Variants in NEXMIF observed in about 807,000 individuals in gnomAD.
The protein encoded by NEXMIF is neurite extension and migration factor, also known as XLMR protein related to neurite extension.
Under a neutral mutation model 62.1 loss-of-function variants are expected in NEXMIF, and 8 were observed. That is an observed-to-expected ratio of 0.13 (90% CI 0.08 to 0.23). The LOEUF is 0.23. Ranked by LOEUF, NEXMIF falls within the 10% of genes least tolerant of loss-of-function variation. NEXMIF has a pLI of 1.00. For missense variants in NEXMIF, 976 were observed against 1,113.3 expected (o/e 0.88, Z 1.75); for synonymous variants, 404 against 416.6 (o/e 0.97, Z 0.37).
intron 1 of NEXMIF, among the ~76,000 whole-genome samples, chrX:74,788,151 G>A (rs1026198510): frequency 8.9e-6 from 1 of 111,753 alleles, no homozygotes; most frequent in Non-Finnish European, 1.9e-5. Flanking sequence ...AGTATTTTCT[G>A]TAACTGCTAC....
At position 74,742,256 on chromosome X, in the gene NEXMIF, T is replaced by C; in HGVS notation, c.2301A>G (p.Thr767=). 2 of 1,211,810 alleles carry C rather than the reference T, an allele frequency of 1.7e-6. No individual in the cohort carries two copies. The highest frequency in any genetic ancestry group is 1.8e-5 in the South Asian group (1 of 57,002). Residue 767 remains threonine, a synonymous_variant, in exon 3 of 4, where the codon ACA becomes ACG. Coordinates refer to ENST00000055682, the MANE Select transcript of NEXMIF (RefSeq NM_001008537.3). ...ANLKNEVIPG[T]SNSSRLSEFH... is the part of the protein sequence containing the mutation. ...ATTCAGATAGACGGGAACTGTTTGA[T>C]GTCCCAGGAATAACTTCATTCTTTA...
Position 74,742,168 on chromosome X carries a change from G to T in NEXMIF, c.2389C>A (p.Pro797Thr). 19 of 1,211,550 alleles carry T rather than the reference G, an allele frequency of 1.6e-5. No individual in the cohort carries two copies. Among genetic ancestry groups the T allele is most frequent in the Non-Finnish European group, 2.1e-5 (19 of 895,365 alleles). ...GTGGTAACATTAGCAGATGATAAAG[G>T]CATTTCAGAAGAGCATGTCGTTGGT... ...FLPTTCSSEM[P>T]LSSANVTTNI... Residue 797 changes from proline (P) to threonine (T), a missense_variant, in exon 3 of 4, where the codon CCT becomes ACT. Pro to Thr is a conservative substitution (Grantham distance 38). Coordinates refer to ENST00000055682, the MANE Select transcript of NEXMIF (RefSeq NM_001008537.3).
At chrX:74,767,662 C>T (rs2080198735) in intron 1 of NEXMIF, among the ~76,000 whole-genome samples, 1 of 111,257 alleles carries the variant, frequency 9.0e-6, no homozygotes, top group Non-Finnish European at 1.9e-5. Flanking sequence ...AAAACCCCGG[C>T]AAGTGTGGCT....
intron 1 of NEXMIF, among the ~76,000 whole-genome samples, chrX:74,796,234 A>ATATATATACACATATATATTATATATAT (rs2080310141): frequency 9.0e-5 from 5 of 55,360 alleles, no homozygotes; most frequent in African/African-American, 3.1e-4. Context: ...TATATAATAT[A>ATATATATACACATATATATTATATATAT]TATATATATA....
chrX:74,785,590 T>C (rs139511642), intron 1 of NEXMIF, among the ~76,000 whole-genome samples: 125 of 112,362 alleles, frequency 1.1e-3, no homozygotes, highest in African/African-American at 3.7e-3. Context: ...CAAGAATGCA[T>C]AGGCAAGGAA....
intron 1 of NEXMIF, among the ~76,000 whole-genome samples, chrX:74,876,275 CTCAGTT>C (rs1173964221): frequency 1.8e-5 from 2 of 110,803 alleles, no homozygotes; most frequent in Non-Finnish European, 3.8e-5. Context: ...GAGCAGGTTG[CTCAGTT>C]TCAATGTAGT....
chrX:74,872,261 C>T (rs1035584734), intron 1 of NEXMIF, among the ~76,000 whole-genome samples: 1 of 111,171 alleles, frequency 9.0e-6, no homozygotes, highest in African/African-American at 3.3e-5. Flanking sequence ...GAATGAGATC[C>T]TGTCATTTGC....
chrX:74,874,615 C>G (rs1364056838), intron 1 of NEXMIF, among the ~76,000 whole-genome samples: 1 of 91,779 alleles, frequency 1.1e-5, no homozygotes, highest in African/African-American at 4.1e-5. Flanking sequence ...TTGATTCTTC[C>G]TACCCATGAG....
At chrX:74,909,044 C>T (rs907402417) in intron 1 of NEXMIF, among the ~76,000 whole-genome samples, 1 of 111,422 alleles carries the variant, frequency 9.0e-6, no homozygotes, top group Non-Finnish European at 1.9e-5. Flanking sequence ...TTCCCATTCT[C>T]GGGTATGTCT....
intron 1 of NEXMIF, among the ~76,000 whole-genome samples, chrX:74,881,307 C>A (rs185731474): frequency 1.8e-5 from 2 of 109,545 alleles, no homozygotes; most frequent in Non-Finnish European, 3.8e-5. Flanking sequence ...TTCTTCATAG[C>A]ACAGTGATAC....
At chrX:74,853,328 T>C (rs1275459721) in intron 1 of NEXMIF, among the ~76,000 whole-genome samples, 1 of 109,286 alleles carries the variant, frequency 9.2e-6, no homozygotes, top group Non-Finnish European at 1.9e-5. Flanking sequence ...GCCATTTACA[T>C]AGCTTGCAAA....
intron 1 of NEXMIF, among the ~76,000 whole-genome samples, chrX:74,803,065 T>A (rs1233416878): frequency 9.1e-6 from 1 of 110,082 alleles, no homozygotes; most frequent in South Asian, 3.8e-4. Flanking sequence ...ACTTACAAGA[T>A]CTAGAAAATA....
intron 1 of NEXMIF, among the ~76,000 whole-genome samples, chrX:74,784,888 T>C (rs971465275): frequency 4.5e-5 from 5 of 111,324 alleles, no homozygotes; most frequent in African/African-American, 1.6e-4. Flanking sequence ...GCATGCTTTC[T>C]TTCCAAGGGA....
chrX:74,784,009 C>G (rs2080253826), intron 1 of NEXMIF, among the ~76,000 whole-genome samples: 1 of 111,296 alleles, frequency 9.0e-6, no homozygotes, highest in Admixed American at 9.6e-5. Context: ...TTCCGTCATC[C>G]TTAGAGGGCA....
chrX:74,888,714 A>T (rs1465348342), intron 1 of NEXMIF, among the ~76,000 whole-genome samples: 1 of 111,946 alleles, frequency 8.9e-6, no homozygotes, highest in Non-Finnish European at 1.9e-5. Flanking sequence ...GAAAACAAAC[A>T]AACAAAAAGA....
At chrX:74,830,829 A>G (rs1367781863) in intron 1 of NEXMIF, among the ~76,000 whole-genome samples, 4 of 112,077 alleles carry the variant, frequency 3.6e-5, no homozygotes, top group Non-Finnish European at 7.5e-5. Flanking sequence ...GAAAGAGATT[A>G]CTTTTTTATT....
chrX:74,917,709 C>T (rs1270398081), intron 1 of NEXMIF, among the ~76,000 whole-genome samples: 1 of 111,366 alleles, frequency 9.0e-6, no homozygotes, highest in African/African-American at 3.3e-5. Context: ...AAAGAGTTCC[C>T]CACATTTGTC....
intron 1 of NEXMIF, among the ~76,000 whole-genome samples, chrX:74,791,713 T>C (rs2080283874): frequency 9.1e-6 from 1 of 110,210 alleles, no homozygotes; most frequent in Non-Finnish European, 1.9e-5. Context: ...TGGGAGAGTG[T>C]ATGTGACGAG....
chrX:74,779,104 A>G (rs192534341), intron 1 of NEXMIF, among the ~76,000 whole-genome samples: 86 of 112,492 alleles, frequency 7.6e-4, no homozygotes, highest in African/African-American at 2.7e-3. Context: ...CCATTCACCA[A>G]TTCATCTCTG....
Sources: gnomAD v4.1 joint callset for allele counts (sites outside exome capture counted in the v4.1 genomes callset) on GRCh38, gnomAD v4.1.1 for gene constraint, MANE v1.5 for transcripts, NCBI Gene and HGNC (gene_info 2026-07-23, HGNC 2026-07-21) for gene names.